The following PLEKHA7 variants were observed in gnomAD, a reference collection of about 807,000 sequenced individuals.
PLEKHA7 encodes pleckstrin homology domain-containing family A member 7.
A neutral mutation model predicts 170.0 loss-of-function variants in PLEKHA7; 104 were observed. The observed-to-expected ratio is 0.61, with a 90% CI of 0.52 to 0.72. The LOEUF is 0.72. Ranked by LOEUF, PLEKHA7 falls within the 30% of genes least tolerant of loss-of-function variation. The pLI, the probability that PLEKHA7 is intolerant of heterozygous loss-of-function variation, is 0.00. For synonymous variants in PLEKHA7, 648 were observed against 660.8 expected (o/e 0.98, Z 0.30); for missense variants, 1,615 against 1,671.7 (o/e 0.97, Z 0.59).
At chr11:16,952,069 T>C (rs374224221) in intron 3 of PLEKHA7, among the ~76,000 whole-genome samples, 3 of 152,204 alleles carry the variant, frequency 2.0e-5, no homozygotes, top group Admixed American at 6.5e-5. Flanking sequence ...TGACCCAAAA[T>C]GGATACACAC....
At chr11:17,013,065 A>C (rs1865411681) in intron 3 of PLEKHA7, 1 of 152,302 alleles carries the variant, frequency 6.6e-6, no homozygotes, top group Non-Finnish European at 1.5e-5. Flanking sequence ...TCATTCAGTG[A>C]ACAAACATTT....
chr11:16,848,155 G>C (rs1243750563), intron 8 of PLEKHA7, among the ~76,000 whole-genome samples: 1 of 152,184 alleles, frequency 6.6e-6, no homozygotes, highest in Non-Finnish European at 1.5e-5. Flanking sequence ...AAATTGAAAG[G>C]AGAGAGAAAA....
intron 26 of PLEKHA7, among the ~76,000 whole-genome samples, chr11:16,781,378 T>C (rs1254057174): frequency 2.0e-5 from 3 of 151,964 alleles, no homozygotes; most frequent in Non-Finnish European, 4.4e-5. Flanking sequence ...CTGCTGGCAA[T>C]AAGGAGGCCG....
In PLEKHA7 at chr11:16,802,963, G is replaced by A. The variant is rs1320268862; in HGVS notation, c.2157+9C>T. On this transcript the variant is annotated intron_variant, in intron 15 of 26. Transcript: ENST00000531066. ...GCCCATTCCAAGATTATTCAAAACT[G>A]ACACGTACTTTGTTCTCTTTAAGGG... is the stretch of plus-strand genomic sequence containing the variant. The A allele has an allele frequency of 1.2e-6, 2 of 1,607,778 alleles. No homozygotes were observed. Among genetic ancestry groups the A allele is most frequent in the Non-Finnish European group, 1.7e-6 (2 of 1,174,172 alleles).
chr11:16,808,850 G>A (rs976316315), intron 13 of PLEKHA7, among the ~76,000 whole-genome samples: 4 of 152,182 alleles, frequency 2.6e-5, no homozygotes, highest in Non-Finnish European at 5.9e-5. Context: ...CAACGAACAC[G>A]ACTTTAGAGT....
chr11:16,940,899 T>G (rs2136407292), intron 3 of PLEKHA7, among the ~76,000 whole-genome samples: 1 of 152,292 alleles, frequency 6.6e-6, no homozygotes, highest in South Asian at 2.1e-4. Context: ...CAGGTGGCTC[T>G]GAAGTCATTT....
intron 8 of PLEKHA7, among the ~76,000 whole-genome samples, chr11:16,846,210 G>A (rs1269893864): frequency 2.0e-5 from 3 of 152,100 alleles, no homozygotes; most frequent in Non-Finnish European, 4.4e-5. Context: ...TCTTGAACCT[G>A]GGAGGCAGAG....
intron 26 of PLEKHA7, among the ~76,000 whole-genome samples, chr11:16,781,884 G>C (rs1422292914): frequency 1.3e-5 from 2 of 152,140 alleles, no homozygotes; most frequent in East Asian, 3.9e-4. Context: ...CTCTATGGCT[G>C]TTCCCTCCCC....
chr11:17,004,814 A>G (rs1864887505), intron 3 of PLEKHA7, among the ~76,000 whole-genome samples: 1 of 152,252 alleles, frequency 6.6e-6, no homozygotes, highest in Admixed American at 6.5e-5. Flanking sequence ...ATGATAAAAC[A>G]TTAACTCAAA....
chr11:17,007,811 C>T (rs1285997325), intron 3 of PLEKHA7, among the ~76,000 whole-genome samples: 1 of 152,132 alleles, frequency 6.6e-6, no homozygotes, highest in East Asian at 1.9e-4. Context: ...TGAGCCCAAG[C>T]AATCCTCCTG....
At chr11:16,787,818 T>G (rs1849503152) in intron 23 of PLEKHA7, 2 of 152,176 alleles carry the variant, frequency 1.3e-5, no homozygotes, top group South Asian at 4.1e-4. Context: ...CATATGACAT[T>G]TGTTTTAAAA....
intron 4 of PLEKHA7, among the ~76,000 whole-genome samples, chr11:16,857,239 C>T (rs2135486979): frequency 1.3e-5 from 2 of 152,338 alleles, no homozygotes. Context: ...CAAGCAATGC[C>T]AGCAGCAGGA....
chr11:16,835,038 G>C (rs575447699), intron 9 of PLEKHA7, among the ~76,000 whole-genome samples: 5 of 152,202 alleles, frequency 3.3e-5, no homozygotes, highest in Non-Finnish European at 7.3e-5. Flanking sequence ...GGGAGGCTGA[G>C]GTAGGTGGAT....
chr11:16,788,291 CTAT>C (rs1366838735), intron 23 of PLEKHA7: 5 of 152,420 alleles, frequency 3.3e-5, no homozygotes. Flanking sequence ...ACAAGAACCG[CTAT>C]TACAAGCCCG....
intron 3 of PLEKHA7, chr11:16,975,050 G>GT: frequency 1.2e-6 from 1 of 800,072 alleles, no homozygotes; most frequent in Non-Finnish European, 1.7e-6. Flanking sequence ...AAGAAGCCAG[G>GT]TTTTTATATA....
intron 12 of PLEKHA7, among the ~76,000 whole-genome samples, chr11:16,813,980 C>T (rs908059103): frequency 6.6e-6 from 1 of 152,218 alleles, no homozygotes; most frequent in Non-Finnish European, 1.5e-5. Context: ...ATCCAGGCAC[C>T]ATCTTCTCAG....
At chr11:16,877,547 G>A (rs1855396997) in intron 3 of PLEKHA7, among the ~76,000 whole-genome samples, 1 of 152,134 alleles carries the variant, frequency 6.6e-6, no homozygotes, top group African/African-American at 2.4e-5. Context: ...GCATTTCTAA[G>A]GGGATTGAGA....
chr11:16,870,229 T>C (rs1463579080), intron 4 of PLEKHA7, among the ~76,000 whole-genome samples: 2 of 152,132 alleles, frequency 1.3e-5, no homozygotes, highest in Non-Finnish European at 2.9e-5. Flanking sequence ...CTCCTCTCTT[T>C]GGACTCCTAT....
At chr11:16,873,380 A>G (rs1444032289) in intron 3 of PLEKHA7, among the ~76,000 whole-genome samples, 1 of 152,172 alleles carries the variant, frequency 6.6e-6, no homozygotes, top group Non-Finnish European at 1.5e-5. Context: ...CCAAATGTGA[A>G]GCCAGCCATG....
Sources: gnomAD v4.1 joint callset for allele counts (sites outside exome capture counted in the v4.1 genomes callset) on GRCh38, gnomAD v4.1.1 for gene constraint, MANE v1.5 for transcripts, NCBI Gene and HGNC (gene_info 2026-07-23, HGNC 2026-07-21) for gene names.